The following BANP variants were observed in gnomAD, a reference collection of about 807,000 sequenced individuals.
BANP encodes protein BANP.
BANP carries 11 observed loss-of-function variants against 68.1 expected under a neutral mutation model. The ratio of observed to expected loss-of-function variants is 0.16; its 90% confidence interval spans 0.10 to 0.27. The LOEUF (loss-of-function observed/expected upper bound fraction) is 0.27. BANP is among the 10% of genes least tolerant of loss of function. The pLI is 1.00. For synonymous variants in BANP, 329 were observed against 303.2 expected, an observed-to-expected ratio of 1.09 and a Z score of -0.88; for missense variants, 504 against 722.7, an observed-to-expected ratio of 0.70 and a Z score of 3.47.
chr16:88,038,783 C>T (rs926971294), intron 11 of BANP, among the ~76,000 whole-genome samples: 5 of 152,134 alleles, frequency 3.3e-5, no homozygotes, highest in South Asian at 2.1e-4. Flanking sequence ...CTGGTGAAGA[C>T]CCTTTCTGTT....
chr16:88,042,748 T>A (rs1182656759), intron 11 of BANP, among the ~76,000 whole-genome samples: 14 of 145,992 alleles, frequency 9.6e-5, no homozygotes, highest in South Asian at 8.8e-4. Context: ...CGAGACCCTG[T>A]CTCTACAGAA....
At chr16:87,958,800 A>T (rs113688409) in intron 1 of BANP, among the ~76,000 whole-genome samples, 6 of 152,230 alleles carry the variant, frequency 3.9e-5, no homozygotes, top group Admixed American at 6.5e-5. Context: ...TTTAATCTCT[A>T]TGGAGATCAG....
chr16:87,987,557 T>C (rs1330323120), intron 4 of BANP, among the ~76,000 whole-genome samples: 1 of 151,060 alleles, frequency 6.6e-6, no homozygotes, highest in Non-Finnish European at 1.5e-5. Context: ...GACCCCCATC[T>C]GCACAAAAAA....
At chr16:88,025,292 T>C (rs2076770943) in intron 7 of BANP, among the ~76,000 whole-genome samples, 1 of 152,188 alleles carries the variant, frequency 6.6e-6, no homozygotes, top group Admixed American at 6.5e-5. Flanking sequence ...AAGGATTTCC[T>C]AGTGATTTTA....
rs1339816740 is a variant in BANP, at chr16:88,003,528, T to A, written c.363-767T>A. ...TTAGATATCCCTTGTGACCAGAAAG[T>A]GCTAAGGCTTAAAAACGCATGATTG... On this transcript the variant is annotated intron_variant, in intron 4 of 13. Transcript: ENST00000682872. The surrounding 1 kb of genome is among the most constrained non-coding windows in gnomAD (Gnocchi z 6.1). The A allele has an allele frequency of 2.2e-6, 1 of 456,294 alleles. No individual in the cohort carries two copies. Among genetic ancestry groups the A allele is most frequent in the East Asian group, 6.9e-5 (1 of 14,390 alleles). The allele number at this position is 456,294 out of a possible 1,614,324, so 28.3% of individuals were successfully genotyped here. A position where few individuals can be genotyped will look rare whatever the true frequency, so the allele number is the denominator to read the frequency against.
chr16:87,970,716 C>T (rs868365311), intron 1 of BANP, among the ~76,000 whole-genome samples: 1 of 152,132 alleles, frequency 6.6e-6, no homozygotes, highest in Non-Finnish European at 1.5e-5. Context: ...CAAGGCAAGG[C>T]GTCCTCAGAC....
In BANP at chr16:87,975,196, G is replaced by A. The variant is rs2061784961; in HGVS notation, c.70+11G>A. On this transcript the variant is annotated intron_variant, in intron 2 of 13. Transcript: ENST00000682872. ...GCCCTGACCACCCAGGTACAGAGCT[G>A]TGGGACAGTAGGTGAAATATTATTC... The A allele has an allele frequency of 6.2e-7, 1 of 1,613,066 alleles. No individual in the cohort carries two copies. The highest frequency in any genetic ancestry group is 1.1e-5 in the South Asian group (1 of 91,070).
intron 1 of BANP, among the ~76,000 whole-genome samples, chr16:87,958,433 G>A (rs954778698): frequency 6.6e-6 from 1 of 152,226 alleles, no homozygotes; most frequent in East Asian, 1.9e-4. Context: ...CCAGTCGAGA[G>A]CGTGGAAACC....
intron 4 of BANP, among the ~76,000 whole-genome samples, chr16:88,001,477 TTAGA>T (rs1448213784): frequency 2.0e-5 from 3 of 152,266 alleles, no homozygotes; most frequent in Non-Finnish European, 2.9e-5. Context: ...ACATCGGTCC[TTAGA>T]TAGGGACTGC....
Position 87,951,512 on chromosome 16 carries a change from C to G in BANP, c.-72C>G, listed in dbSNP as rs1031620562. 6.5e-6 allele frequency: 1 copy of G among 152,938 alleles called. No homozygotes were observed. Among genetic ancestry groups the G allele is most frequent in the Non-Finnish European group, 1.5e-5 (1 of 67,906 alleles). 9.5% of individuals were successfully genotyped at this position (152,938 alleles called of 1,614,324 possible). A position where few individuals can be genotyped will look rare whatever the true frequency, so the allele number is the denominator to read the frequency against. ...AACACCACGAGAATTCCGCAGCCCA[C>G]ACGGTAATTGCAGCTCCCGCAGCCG... is the stretch of plus-strand genomic sequence containing the variant. On this transcript the variant is annotated 5_prime_UTR_variant, in exon 1 of 14. Coordinates refer to ENST00000682872, the MANE Select transcript of BANP (RefSeq NM_001386991.1).
rs143960104 is a variant in BANP, at chr16:88,062,218, T to C, written c.1312-3049T>C. 7.0e-3 allele frequency among the ~76,000 whole-genome samples: 1,065 copies of C among 152,304 alleles called. 12 individuals carry two copies. Among genetic ancestry groups the C allele is most frequent in the African/African-American group, 0.024 (989 of 41,566 alleles). ...GGGGTGGGGTTCTTTTGTTTGGTTT[T>C]GCGTTGCACCTGAGTGGATTCTTGG... On this transcript the variant is annotated intron_variant, in intron 11 of 13. Transcript: ENST00000682872.
chr16:87,959,510 G>C (rs1390509546), intron 1 of BANP, among the ~76,000 whole-genome samples: 2 of 152,252 alleles, frequency 1.3e-5, no homozygotes, highest in Non-Finnish European at 2.9e-5. Context: ...GCTTGCGAGG[G>C]AGGCGGCTGA....
intron 6 of BANP, among the ~76,000 whole-genome samples, chr16:88,011,066 G>A (rs2072967463): frequency 6.6e-6 from 1 of 152,238 alleles, no homozygotes; most frequent in African/African-American, 2.4e-5. Context: ...AAAACCAAGG[G>A]AAGCGGGAGA....
At chr16:88,047,178 C>G (rs541569192) in intron 11 of BANP, among the ~76,000 whole-genome samples, 1 of 152,104 alleles carries the variant, frequency 6.6e-6, no homozygotes, top group African/African-American at 2.4e-5. Flanking sequence ...GTTTAAAATC[C>G]CAAGCCAGAG....
At chr16:88,069,954 C>G (rs1271841245) in intron 12 of BANP, among the ~76,000 whole-genome samples, 2 of 152,158 alleles carry the variant, frequency 1.3e-5, no homozygotes, top group East Asian at 3.8e-4. Flanking sequence ...TCTCCTGTTC[C>G]TCCTCTTCCC....
At chr16:87,967,116 C>T (rs1299026661) in intron 1 of BANP, among the ~76,000 whole-genome samples, 1 of 152,174 alleles carries the variant, frequency 6.6e-6, no homozygotes, top group Non-Finnish European at 1.5e-5. Context: ...ATGCCCCGCA[C>T]CCACAGCTGT....
At chr16:88,053,084 C>T (rs1397309343) in intron 11 of BANP, among the ~76,000 whole-genome samples, 1 of 151,898 alleles carries the variant, frequency 6.6e-6, no homozygotes, top group Non-Finnish European at 1.5e-5. Context: ...ATCACCAACC[C>T]AACCACCCTA....
intron 1 of BANP, chr16:87,970,140 C>G (rs985280770): frequency 1.3e-5 from 2 of 152,228 alleles, no homozygotes; most frequent in Non-Finnish European, 2.9e-5. Context: ...ATCCACCCGC[C>G]TTGGCCTTCC....
At chr16:88,049,669 A>C (rs2082802287) in intron 11 of BANP, among the ~76,000 whole-genome samples, 1 of 152,176 alleles carries the variant, frequency 6.6e-6, no homozygotes, top group South Asian at 2.1e-4. Flanking sequence ...GCCAGGAACC[A>C]GGGACAAAAC....
Sources: allele counts gnomAD v4.1 joint callset (sites outside exome capture counted in the v4.1 genomes callset), GRCh38; gene constraint gnomAD v4.1.1; non-coding constraint Gnocchi (gnomAD v3.1); transcripts MANE v1.5; gene names NCBI Gene and HGNC (gene_info 2026-07-23, HGNC 2026-07-21).